SFPQ: variants seen among roughly 807,000 people sequenced by gnomAD.
SFPQ encodes the protein splicing factor, proline- and glutamine-rich.
Under a neutral mutation model 72.9 loss-of-function variants are expected in SFPQ, and 11 were observed. The ratio of observed to expected loss-of-function variants is 0.15; its 90% CI spans 0.09 to 0.25. The LOEUF (loss-of-function observed/expected upper bound fraction) is 0.25, where lower values mean the gene tolerates loss of function less well. Among genes scored for constraint, SFPQ ranks in the 10% least tolerant of loss-of-function variants. The pLI is 1.00. For missense variants in SFPQ, 847 were observed against 993.3 expected (o/e 0.85, Z 1.98); for synonymous variants, 506 against 367.3 (o/e 1.38, Z -4.32).
At position 35,192,693 on chromosome 1, in the gene SFPQ, G is replaced by C; in HGVS notation, c.357C>G (p.Pro119=). ...AGGCTGGTGGTGCGCTGCCTACTCC[G>C]GGAGCGGGGCCGGGTCCCTGAGCAA... is the stretch of plus-strand genomic sequence containing the variant. ...PVVAQGPGPA[P]GVGSAPPASS... Residue 119 remains proline (P), a synonymous_variant, in exon 1 of 10, where the codon CCC becomes CCG. Transcript: ENST00000357214. The C allele has an allele frequency of 2.1e-6, 3 of 1,438,458 alleles. No homozygotes were observed. The highest frequency in any genetic ancestry group is 2.7e-6 in the Non-Finnish European group (3 of 1,104,340). 89.1% of individuals were successfully genotyped at this position (1,438,458 alleles called of 1,614,324 possible).
Position 35,192,347 on chromosome 1 carries a change from G to A in SFPQ, c.703C>T (p.His235Tyr). The change falls in exon 1 of 10, where the codon CAT (histidine) becomes TAT (tyrosine). Residue 235 changes from histidine (H) to tyrosine (Y), a missense_variant. Physicochemically the swap from His to Tyr is moderately conservative, Grantham distance 83. This residue lies in a region of SFPQ where 498 missense variants were observed against 405.1 expected (regional missense o/e 1.23). Coordinates refer to ENST00000357214, the MANE Select transcript of SFPQ (RefSeq NM_005066.3). ...STPGGHPKPP[H>Y]RGGGEPRGGR... The stretch of plus-strand genomic sequence containing the variant: ...CCGCGGGGCTCCCCGCCGCCTCGAT[G>A]CGGCGGCTTGGGGTGGCCGCCAGGC... The A allele has an allele frequency of 7.2e-7, 1 of 1,396,720 alleles. No homozygotes were observed. The allele number at this position is 1,396,720 out of a possible 1,614,324, so 86.5% of individuals were successfully genotyped here. A position where few individuals can be genotyped will look rare whatever the true frequency, so the allele number is the denominator to read the frequency against.
downstream of SFPQ, chr1:35,178,122 G>A (rs1396693754): frequency 5.1e-6 from 6 of 1,165,550 alleles, no homozygotes; most frequent in Non-Finnish European, 6.4e-6. Context: ...AAAATTTAAA[G>A]AGTAAAAATC....
chr1:35,179,439 G>A, downstream of SFPQ: 1 of 1,056,188 alleles, frequency 9.5e-7, no homozygotes. Flanking sequence ...ATACATTCTG[G>A]CATCACACCT....
chr1:35,176,746 C>T (rs1055779513), intron 5 of SFPQ, among the ~76,000 whole-genome samples: 9 of 151,580 alleles, frequency 5.9e-5, no homozygotes, highest in African/African-American at 1.7e-4. Context: ...GTGTGGCGGG[C>T]GCCTGCAGTC....
chr1:35,178,559 T>G, downstream of SFPQ: 13 of 1,059,612 alleles, frequency 1.2e-5, no homozygotes, highest in Non-Finnish European at 1.5e-5. Flanking sequence ...TTTACCTCAT[T>G]CTTTCCCATC....
intron 4 of SFPQ, 74 bp downstream of exon 4, chr1:35,190,424 T>C (rs1044683724): frequency 1.4e-5 from 15 of 1,079,590 alleles, no homozygotes; most frequent in Non-Finnish European, 1.9e-5. Flanking sequence ...TTAAGCAAAA[T>C]TGGAAAATCA....
downstream of SFPQ, chr1:35,180,221 CA>C (rs950517540): frequency 2.5e-5 from 26 of 1,051,800 alleles, no homozygotes; most frequent in Non-Finnish European, 3.0e-5. Context: ...GTCTCTCATG[CA>C]TGCTAGCTAA....
At chr1:35,181,017 A>C (rs780486596), downstream of SFPQ, 1 of 1,065,186 alleles carries the variant, frequency 9.4e-7, no homozygotes, top group Non-Finnish European at 1.1e-6. Flanking sequence ...AGCTAGCTTT[A>C]CCATACAAGT....
chr1:35,181,722 TAA>T (rs1270547288), downstream of SFPQ: 1 of 1,060,992 alleles, frequency 9.4e-7, no homozygotes, highest in Non-Finnish European at 1.1e-6. Flanking sequence ...AAAAAATGGC[TAA>T]AATACTTCAA....
At chr1:35,191,123 C>A (rs1021567009) in intron 2 of SFPQ, 128 bp from the exon 3 acceptor site, 2 of 869,918 alleles carry the variant, frequency 2.3e-6, no homozygotes, top group Non-Finnish European at 3.5e-6. Flanking sequence ...TTAGGCAGCA[C>A]CCACTAACAC....
rs780990354 is a variant in SFPQ at position 35,192,822 on chromosome 1, CTGCTGCGGTGGT to C, written c.216_227del (p.Gln75_Pro78del). On this transcript the variant is annotated inframe_deletion, in exon 1 of 10. Transcript: ENST00000357214. ...GCGGTGGCGGCTGCTGCGGCGGTGG[CTGCTGCGGTGGT>C]GGCTGTTGCTGCTGTTGGTGTGGAG... 11 of 1,510,506 alleles carry C rather than the reference CTGCTGCGGTGGT, an allele frequency of 7.3e-6. 1 individual carries two copies. The East Asian group carries it at 2.1e-4, about 29-fold the overall frequency. The allele number at this position is 1,510,506 out of a possible 1,614,324, so 93.6% of individuals were successfully genotyped here.
chr1:35,189,107 TG>T lies in SFPQ; in HGVS notation c.1613-21del. The T allele has an allele frequency of 6.2e-7, 1 of 1,613,302 alleles. No individual in the cohort carries two copies. The highest frequency in any genetic ancestry group is 1.3e-5 in the African/African-American group (1 of 75,024). ...TCAGATCTGAACATTGGAAAATATT[TG>T]GATTCACATTAACAAGGTTCTAATA... On this transcript the variant is annotated intron_variant, in intron 5 of 9. Coordinates refer to ENST00000357214, the MANE Select transcript of SFPQ (RefSeq NM_005066.3).
Position 35,192,493 on chromosome 1 carries a change from G to C in SFPQ, c.557C>G (p.Pro186Arg). 2 of 1,326,352 alleles carry C rather than the reference G, an allele frequency of 1.5e-6. No individual in the cohort carries two copies. Among genetic ancestry groups the C allele is most frequent in the East Asian group, 6.3e-5 (2 of 31,984 alleles). The allele number at this position is 1,326,352 out of a possible 1,614,324, so 82.2% of individuals were successfully genotyped here. A position where few individuals can be genotyped will look rare whatever the true frequency, so the allele number is the denominator to read the frequency against. ...CGGGCCCGGGACTGCCGCGGGCGGA[G>C]GCGGCGGGCCTCCGGCCTGAGGAGG... ...TTPPQAGGPP[P>R]PPAAVPGPGP... is the part of the protein sequence containing the mutation. Residue 186 changes from proline (P) to arginine (R), a missense_variant, in exon 1 of 10, where the codon CCT (proline) becomes CGT (arginine). Physicochemically the swap from Pro to Arg is moderately radical, Grantham distance 103. Transcript: ENST00000357214.
rs906435739 is a variant in SFPQ, at chr1:35,192,360, G to A, written c.690C>T (p.His230=). 8.6e-6 allele frequency: 12 copies of A among 1,389,370 alleles called. No individual in the cohort carries two copies. Among genetic ancestry groups the A allele is most frequent in the Non-Finnish European group, 1.1e-5 (12 of 1,084,706 alleles). The allele number at this position is 1,389,370 out of a possible 1,614,324, so 86.1% of individuals were successfully genotyped here. ...CGCCGCCTCGATGCGGCGGCTTGGG[G>A]TGGCCGCCAGGCGTACTTAGGCCCG... is the stretch of plus-strand genomic sequence containing the variant. The part of the protein sequence containing the change: ...GGPGLSTPGG[H]PKPPHRGGGE... Residue 230 remains histidine, a synonymous_variant, in exon 1 of 10, where the codon CAC becomes CAT. Coordinates refer to ENST00000357214, the MANE Select transcript of SFPQ (RefSeq NM_005066.3).
chr1:35,192,334 C>A lies in SFPQ; in HGVS notation c.716G>T (p.Gly239Val). ...GHPKPPHRGG[G>V]EPRGGRQHHP... ...GTGCTGGCGGCCCCCGCGGGGCTCC[C>A]CGCCGCCTCGATGCGGCGGCTTGGG... The change falls in exon 1 of 10, where the codon GGG becomes GTG. Residue 239 changes from glycine (G) to valine (V), a missense_variant. Gly to Val is a moderately radical substitution (Grantham distance 109). Around this residue, in one of 6 missense-constraint regions of SFPQ, gnomAD observed 498 missense variants for 405.1 expected, o/e 1.23. Transcript: ENST00000357214. 3.6e-6 allele frequency: 5 copies of A among 1,407,802 alleles called. No homozygotes were observed. The East Asian group carries it at 1.5e-4, about 43-fold the overall frequency. 87.2% of individuals were successfully genotyped at this position (1,407,802 alleles called of 1,614,324 possible). A position where few individuals can be genotyped will look rare whatever the true frequency, so the allele number is the denominator to read the frequency against.
chr1:35,183,115 C>T lies in SFPQ; in HGVS notation c.*1341G>A. ...TCACCACTAGCTCTTAGAAGAGAAC[C>T]AATAGATTTTTATAGTCCTATAGAT... On this transcript the variant is annotated 3_prime_UTR_variant, in exon 10 of 10. Transcript: ENST00000357214. 1 of 1,028,652 alleles carries T rather than the reference C, an allele frequency of 9.7e-7. No homozygotes were observed. Among genetic ancestry groups the T allele is most frequent in the Non-Finnish European group, 1.2e-6 (1 of 856,362 alleles). The allele number at this position is 1,028,652 out of a possible 1,614,324, so 63.7% of individuals were successfully genotyped here. A position where few individuals can be genotyped will look rare whatever the true frequency, so the allele number is the denominator to read the frequency against.
downstream of SFPQ, chr1:35,181,689 G>A: frequency 1.9e-6 from 2 of 1,060,718 alleles, no homozygotes; most frequent in Non-Finnish European, 2.3e-6. Context: ...GAGGAAATGG[G>A]GACAAGTGGT....
At position 35,192,807 on chromosome 1, in the gene SFPQ, CTGCTGCGGCGGT is replaced by C; in HGVS notation, c.231_242del (p.Gln80_Pro83del). On this transcript the variant is annotated inframe_deletion, in exon 1 of 10. Coordinates refer to ENST00000357214, the MANE Select transcript of SFPQ (RefSeq NM_005066.3). ...GCGGCGGCGGCTGATGCGGTGGCGG[CTGCTGCGGCGGT>C]GGCTGCTGCGGTGGTGGCTGTTGCT... 6.7e-7 allele frequency: 1 copy of C among 1,503,262 alleles called. No individual in the cohort carries two copies. Among genetic ancestry groups the C allele is most frequent in the Non-Finnish European group, 8.8e-7 (1 of 1,134,188 alleles). 93.1% of individuals were successfully genotyped at this position (1,503,262 alleles called of 1,614,324 possible).
chr1:35,178,117 T>TTTA, downstream of SFPQ: 1 of 1,170,046 alleles, frequency 8.5e-7, no homozygotes, highest in Non-Finnish European at 1.1e-6. Context: ...ACTTCAAAAT[T>TTTA]TAAAGAGTAA....
Sources: gnomAD v4.1 joint callset for allele counts (sites outside exome capture counted in the v4.1 genomes callset) on GRCh38, gnomAD v4.1.1 for gene constraint, gnomAD v4.1.1 regional missense constraint, MANE v1.5 for transcripts, NCBI Gene and HGNC (gene_info 2026-07-23, HGNC 2026-07-21) for gene names.